CYTH3: variants seen among roughly 807,000 people sequenced by gnomAD.
The protein encoded by CYTH3 is cytohesin 3.
CYTH3 carries 23 observed loss-of-function variants against 55.1 expected under a neutral mutation model. The ratio of observed to expected loss-of-function variants is 0.42; its 90% CI spans 0.30 to 0.59. The LOEUF (loss-of-function observed/expected upper bound fraction) is 0.59, where lower values mean the gene tolerates loss of function less well. Ranked by LOEUF, CYTH3 falls within the 20% of genes least tolerant of loss-of-function variation. The pLI is 0.20. For synonymous variants in CYTH3, 249 were observed against 194.9 expected, an observed-to-expected ratio of 1.28 and a Z score of -2.31; for missense variants, 413 against 524.8, an observed-to-expected ratio of 0.79 and a Z score of 2.08.
chr7:6,259,358 C>A (rs1168823200), intron 1 of CYTH3, among the ~76,000 whole-genome samples: 9 of 152,128 alleles, frequency 5.9e-5, no homozygotes, highest in Non-Finnish European at 1.5e-5. Flanking sequence ...AAAGCAGGAA[C>A]TTTTATTCTC....
At chr7:6,190,026 ACT>A (rs1345276165) in intron 2 of CYTH3, among the ~76,000 whole-genome samples, 1 of 152,070 alleles carries the variant, frequency 6.6e-6, no homozygotes, top group African/African-American at 2.4e-5. Flanking sequence ...ACAGAGCGAG[ACT>A]CTGTCTCAAA....
intron 4 of CYTH3, 71 bp downstream of exon 4, chr7:6,186,979 A>C: frequency 6.6e-7 from 1 of 1,512,486 alleles, no homozygotes; most frequent in East Asian, 2.3e-5. Context: ...ACCTCTGTCC[A>C]AAAGGGAAAC....
Position 6,182,957 on chromosome 7 carries a change from C to G in CYTH3, c.249+4093G>C, listed in dbSNP as rs1436809579. 3.9e-5 allele frequency among the ~76,000 whole-genome samples: 6 copies of G among 152,236 alleles called. No homozygotes were observed. The South Asian group carries it at 1.2e-3, about 32-fold the overall frequency. On this transcript the variant is annotated intron_variant, in intron 4 of 12. Coordinates refer to ENST00000350796, the MANE Select transcript of CYTH3 (RefSeq NM_004227.4). ...TATTTTAGGGTCACTGTTGGCCTAA[C>G]AGAATGCTACTTGCTTCTGGTTTTT...
intron 5 of CYTH3, among the ~76,000 whole-genome samples, chr7:6,175,568 G>A (rs1340002906): frequency 5.9e-3 from 104 of 17,686 alleles, no homozygotes; most frequent in African/African-American, 0.031. Flanking sequence ...TTTTTTTTTT[G>A]AGAGAGTCTC....
intron 4 of CYTH3, among the ~76,000 whole-genome samples, chr7:6,186,114 G>A (rs1783641754): frequency 6.6e-6 from 1 of 151,804 alleles, no homozygotes; most frequent in Admixed American, 6.6e-5. Context: ...CGTGGTGGCG[G>A]GCGCCTGTAG....
chr7:6,189,764 C>T (rs941641527), intron 2 of CYTH3, among the ~76,000 whole-genome samples: 2 of 151,910 alleles, frequency 1.3e-5, no homozygotes, highest in Admixed American at 6.6e-5. Context: ...TGGCTGGGCG[C>T]AGTGGCTCAC....
In CYTH3 at chr7:6,170,922, G is replaced by T; in HGVS notation, c.619C>A (p.His207Asn). 1 of 1,614,052 alleles carries T rather than the reference G, an allele frequency of 6.2e-7. No homozygotes were observed. The highest frequency in any genetic ancestry group is 8.5e-7 in the Non-Finnish European group (1 of 1,179,942). ...GCCGTGGGCTTGTCACGCACGTTGT[G>T]GTTGTGGAGGCTGGTGTTGAGCATG... ...IIMLNTSLHN[H>N]NVRDKPTAER... The change falls in exon 8 of 13, where the codon CAC becomes AAC. Residue 207 changes from histidine (H) to asparagine (N), a missense_variant. By Grantham distance (68) the His-to-Asn change is moderately conservative. Transcript: ENST00000350796. The surrounding 1 kb of genome is among the most constrained non-coding windows in gnomAD (Gnocchi z 7.8).
intron 4 of CYTH3, among the ~76,000 whole-genome samples, chr7:6,178,982 G>A (rs1783411739): frequency 6.6e-6 from 1 of 152,194 alleles, no homozygotes; most frequent in Non-Finnish European, 1.5e-5. Context: ...TTGCCAGGAG[G>A]CCATTTCTAC....
chr7:6,197,218 GTTTAC>G (rs1554359782), intron 1 of CYTH3, among the ~76,000 whole-genome samples: 2 of 152,088 alleles, frequency 1.3e-5, no homozygotes, highest in Admixed American at 6.6e-5. Flanking sequence ...AGCACTAGCC[GTTTAC>G]TTTACCAGTA....
chr7:6,252,028 G>A (rs1039152520), intron 1 of CYTH3, among the ~76,000 whole-genome samples: 1 of 152,228 alleles, frequency 6.6e-6, no homozygotes, highest in Non-Finnish European at 1.5e-5. Context: ...TTCAGCTACA[G>A]GATGGTGATA....
At chr7:6,221,380 G>A (rs1784548071) in intron 1 of CYTH3, among the ~76,000 whole-genome samples, 1 of 152,192 alleles carries the variant, frequency 6.6e-6, no homozygotes, top group Non-Finnish European at 1.5e-5. Flanking sequence ...CATCTCAGAG[G>A]TGGAAAATGG....
In CYTH3 at chr7:6,165,259, G is replaced by T. The variant is rs771227083; in HGVS notation, c.1127+14C>A. 1 of 1,603,096 alleles carries T rather than the reference G, an allele frequency of 6.2e-7. No homozygotes were observed. Among genetic ancestry groups the T allele is most frequent in the Admixed American group, 1.7e-5 (1 of 58,642 alleles). ...AGAAGACGGGCCTGGCCCCGCCCCC[G>T]AGGCCCCACTCACTTGATGGATTTC... is the stretch of plus-strand genomic sequence containing the variant. On this transcript the variant is annotated intron_variant, in intron 12 of 12. Transcript: ENST00000350796.
chr7:6,169,199 G>A lies in CYTH3; in HGVS notation c.823+1336C>T, dbSNP rs1287719394. On this transcript the variant is annotated intron_variant, in intron 9 of 12. Transcript: ENST00000350796. This position sits in a 1 kb window ranked among gnomAD's most constrained non-coding sequence, Gnocchi z 4.1. ...CCACCAGCTGAGGAGGCCTGTGCCC[G>A]TCACACCGTGTCTCACCCTTCCTTG... Among the ~76,000 whole-genome samples the A allele has an allele frequency of 1.3e-5, 2 of 152,164 alleles. No individual in the cohort carries two copies. The highest frequency in any genetic ancestry group is 2.9e-5 in the Non-Finnish European group (2 of 68,026).
rs1361472272 is a variant in CYTH3, at chr7:6,259,761, AT to A, written c.34+12712del. On this transcript the variant is annotated intron_variant, in intron 1 of 12. Coordinates refer to ENST00000350796, the MANE Select transcript of CYTH3 (RefSeq NM_004227.4). ...TATATATAATATATATATATATTATATATATATATATTATATATATATAATA... is the reference window on the plus strand; with the variant it reads ...TATATATAATATATATATATATTATAATATATATATTATATATATATAATA... 4.7e-4 allele frequency among the ~76,000 whole-genome samples: 12 copies of A among 25,310 alleles called. 1 individual carries two copies. Among genetic ancestry groups the A allele is most frequent in the African/African-American group, 3.3e-3 (9 of 2,732 alleles). 16.6% of individuals were successfully genotyped at this position (25,310 alleles called of 152,430 possible). A position where few individuals can be genotyped will look rare whatever the true frequency, so the allele number is the denominator to read the frequency against.
At chr7:6,190,926 A>C (rs1783787291) in intron 1 of CYTH3, among the ~76,000 whole-genome samples, 1 of 151,714 alleles carries the variant, frequency 6.6e-6, no homozygotes, top group South Asian at 2.1e-4. Flanking sequence ...AAAATACAAA[A>C]ATCAGCTGGG....
intron 1 of CYTH3, among the ~76,000 whole-genome samples, chr7:6,217,513 G>T (rs1340991620): frequency 6.6e-6 from 1 of 152,122 alleles, no homozygotes; most frequent in African/African-American, 2.4e-5. Flanking sequence ...AAAAGACATA[G>T]CAATTCTAAA....
chr7:6,244,450 G>A (rs902198408), intron 1 of CYTH3, among the ~76,000 whole-genome samples: 7 of 152,226 alleles, frequency 4.6e-5, no homozygotes, highest in African/African-American at 1.7e-4. Flanking sequence ...ACCAGAAGAT[G>A]CTTCAAAATG....
chr7:6,243,002 C>A (rs1779714137), intron 1 of CYTH3, among the ~76,000 whole-genome samples: 1 of 152,088 alleles, frequency 6.6e-6, no homozygotes, highest in African/African-American at 2.4e-5. Flanking sequence ...CTGGGACATG[C>A]CCCTTCAGTT....
At chr7:6,229,458 G>T (rs1413619845) in intron 1 of CYTH3, among the ~76,000 whole-genome samples, 1 of 152,094 alleles carries the variant, frequency 6.6e-6, no homozygotes, top group Non-Finnish European at 1.5e-5. Context: ...ACAAGCCTGT[G>T]CAAGTTATCT....
Sources: gnomAD v4.1 joint callset for allele counts (sites outside exome capture counted in the v4.1 genomes callset) on GRCh38, gnomAD v4.1.1 for gene constraint, Gnocchi (gnomAD v3.1) non-coding constraint, MANE v1.5 for transcripts, NCBI Gene and HGNC (gene_info 2026-07-23, HGNC 2026-07-21) for gene names.